Variants in AKAIN1 observed in about 807,000 individuals in gnomAD.
AKAIN1 encodes the protein A-kinase anchor inhibitor 1.
A neutral mutation model predicts 3.7 loss-of-function variants in AKAIN1; 3 were observed. The observed-to-expected ratio is 0.82, with a 90% CI of 0.37 to 2.12. The LOEUF (loss-of-function observed/expected upper bound fraction) is 2.12. Ranked by LOEUF, AKAIN1 falls within the 30% of genes most tolerant of loss-of-function variation. The pLI is 0.06. For synonymous variants in AKAIN1, 31 were observed against 30.8 expected, an observed-to-expected ratio of 1.01 and a Z score of -0.02; for missense variants, 82 against 82.7, an observed-to-expected ratio of 0.99 and a Z score of 0.03.
intron 1 of AKAIN1, among the ~76,000 whole-genome samples, chr18:5,178,254 T>A (rs1312141000): frequency 1.3e-5 from 2 of 152,094 alleles, no homozygotes; most frequent in African/African-American, 4.8e-5. Flanking sequence ...GATTTCACCA[T>A]GAAGAAGTGG....
intron 1 of AKAIN1, among the ~76,000 whole-genome samples, chr18:5,180,828 G>C (rs2071253644): frequency 6.6e-6 from 1 of 152,098 alleles, no homozygotes; most frequent in Non-Finnish European, 1.5e-5. Context: ...ATTCCATGGA[G>C]ATAAAAATTA....
At chr18:5,154,211 T>C (rs1444561828) in intron 1 of AKAIN1, among the ~76,000 whole-genome samples, 2 of 152,182 alleles carry the variant, frequency 1.3e-5, no homozygotes, top group African/African-American at 4.8e-5. Context: ...CAAATTGGGC[T>C]ACATTAAAAT....
chr18:5,192,913 A>G (rs1452689716), intron 1 of AKAIN1, among the ~76,000 whole-genome samples: 3 of 152,186 alleles, frequency 2.0e-5, no homozygotes, highest in Non-Finnish European at 4.4e-5. Flanking sequence ...ATATAACTCT[A>G]TGCCAAAAAA....
intron 1 of AKAIN1, among the ~76,000 whole-genome samples, chr18:5,189,341 T>G (rs569005251): frequency 6.6e-6 from 1 of 152,330 alleles, no homozygotes; most frequent in East Asian, 1.9e-4. Flanking sequence ...AAATGATGAC[T>G]TGGCCACAGC....
upstream of AKAIN1, chr18:5,197,513 A>AAAAAAAAAAAAC: frequency 8.2e-7 from 1 of 1,225,680 alleles, no homozygotes; most frequent in Non-Finnish European, 1.0e-6. The surrounding 1 kb of genome is among the most constrained non-coding windows in gnomAD (Gnocchi z 6.9). Context: ...TCAAAAAAAA[A>AAAAAAAAAAAAC]AAACTCTAAG....
intron 1 of AKAIN1, among the ~76,000 whole-genome samples, chr18:5,170,283 G>A (rs2071190201): frequency 6.6e-6 from 1 of 152,102 alleles, no homozygotes; most frequent in Non-Finnish European, 1.5e-5. Flanking sequence ...CCACAGACAA[G>A]GCATTCATTC....
intron 1 of AKAIN1, among the ~76,000 whole-genome samples, chr18:5,169,145 T>G (rs1411624494): frequency 2.0e-5 from 3 of 152,084 alleles, no homozygotes; most frequent in African/African-American, 4.8e-5. Flanking sequence ...AGACAGAGAC[T>G]CTATGTTGCA....
Position 5,144,520 on chromosome 18 carries a change from G to A in AKAIN1, c.*1042C>T, listed in dbSNP as rs1398490651. Among the ~76,000 whole-genome samples, 1 of 152,190 alleles carries A rather than the reference G, an allele frequency of 6.6e-6. No homozygotes were observed. Among genetic ancestry groups the A allele is most frequent in the Non-Finnish European group, 1.5e-5 (1 of 68,038 alleles). On this transcript the variant is annotated 3_prime_UTR_variant, in exon 2 of 2. Coordinates refer to ENST00000434239, the MANE Select transcript of AKAIN1 (RefSeq NM_001145194.2). ...TGTACACACACATATCTCTGTCACTGCATTCAAAACACTGTCACTTTACTG... is the reference window on the plus strand; with the variant it reads ...TGTACACACACATATCTCTGTCACTACATTCAAAACACTGTCACTTTACTG...
At chr18:5,197,329 G>A, upstream of AKAIN1, 1 of 1,311,696 alleles carries the variant, frequency 7.6e-7, no homozygotes, top group Non-Finnish European at 9.7e-7. This position sits in a 1 kb window ranked among gnomAD's most constrained non-coding sequence, Gnocchi z 6.9. Flanking sequence ...GTGCCAGCTC[G>A]GCGACGTACA....
At chr18:5,177,282 T>C (rs1010799852) in intron 1 of AKAIN1, among the ~76,000 whole-genome samples, 1 of 152,106 alleles carries the variant, frequency 6.6e-6, no homozygotes, top group Non-Finnish European at 1.5e-5. Context: ...AGAAAGAAAT[T>C]ATTATTACTA....
chr18:5,196,902 C>T (rs1183869339), intron 1 of AKAIN1, 136 bp downstream of exon 1: 3 of 813,194 alleles, frequency 3.7e-6, no homozygotes, highest in Admixed American at 2.1e-5. Context: ...GGCACTCCTC[C>T]GCCCCATGAG....
At chr18:5,171,937 C>T (rs567997760) in intron 1 of AKAIN1, among the ~76,000 whole-genome samples, 298 of 152,196 alleles carry the variant, frequency 2.0e-3, no homozygotes, top group Non-Finnish European at 3.6e-3. Context: ...TTGGAAGCAA[C>T]CTAAGTGTCC....
At chr18:5,147,762 A>G (rs964509057) in intron 1 of AKAIN1, among the ~76,000 whole-genome samples, 1 of 152,242 alleles carries the variant, frequency 6.6e-6, no homozygotes, top group Non-Finnish European at 1.5e-5. Flanking sequence ...TTGAGAGCGA[A>G]GAACAATATT....
chr18:5,174,565 A>C (rs2071215318), intron 1 of AKAIN1, among the ~76,000 whole-genome samples: 1 of 151,966 alleles, frequency 6.6e-6, no homozygotes, highest in Non-Finnish European at 1.5e-5. Flanking sequence ...ACATGGCAAA[A>C]CCCTATCCCT....
chr18:5,144,828 T>G lies in AKAIN1; in HGVS notation c.*734A>C, dbSNP rs2071039555. Among the ~76,000 whole-genome samples the G allele has an allele frequency of 1.3e-5, 2 of 152,224 alleles. No individual in the cohort carries two copies. Among genetic ancestry groups the G allele is most frequent in the Non-Finnish European group, 2.9e-5 (2 of 68,042 alleles). On this transcript the variant is annotated 3_prime_UTR_variant, in exon 2 of 2. Transcript: ENST00000434239. ...GGAAATGAGTCATTGGCAACTCACA[T>G]GTGTAGACTCACTTGTCTTATTTTA...
At chr18:5,156,632 G>A (rs1306661395) in intron 1 of AKAIN1, among the ~76,000 whole-genome samples, 1 of 152,188 alleles carries the variant, frequency 6.6e-6, no homozygotes, top group East Asian at 1.9e-4. Context: ...AATGCTTTTA[G>A]ATGATTAATA....
chr18:5,148,838 C>T (rs965953348), intron 1 of AKAIN1, among the ~76,000 whole-genome samples: 4 of 151,820 alleles, frequency 2.6e-5, no homozygotes, highest in Non-Finnish European at 5.9e-5. Flanking sequence ...GCCTGGTTGA[C>T]AGAGTGAGAC....
intron 1 of AKAIN1, among the ~76,000 whole-genome samples, chr18:5,146,395 C>T (rs1340988752): frequency 2.0e-5 from 3 of 152,124 alleles, no homozygotes; most frequent in African/African-American, 7.2e-5. Context: ...AGCCCTGGGC[C>T]ACGTACTTCT....
chr18:5,153,077 C>T (rs546578031), intron 1 of AKAIN1, among the ~76,000 whole-genome samples: 2 of 152,324 alleles, frequency 1.3e-5, no homozygotes, highest in African/African-American at 4.8e-5. Context: ...GAAGTGAATT[C>T]TTGCCCTGGC....
Sources: gnomAD v4.1 joint callset for allele counts (sites outside exome capture counted in the v4.1 genomes callset) on GRCh38, gnomAD v4.1.1 for gene constraint, Gnocchi (gnomAD v3.1) non-coding constraint, MANE v1.5 for transcripts, NCBI Gene and HGNC (gene_info 2026-07-23, HGNC 2026-07-21) for gene names.